Variants in RSF1 observed in about 807,000 individuals in gnomAD.
RSF1 encodes the protein remodeling and spacing factor 1.
Under a neutral mutation model 145.2 loss-of-function variants are expected in RSF1, and 13 were observed. The ratio of observed to expected loss-of-function variants is 0.09; its 90% CI spans 0.06 to 0.14. The LOEUF (loss-of-function observed/expected upper bound fraction) is 0.14, where lower values mean the gene tolerates loss of function less well. Ranked by LOEUF, RSF1 falls within the 10% of genes least tolerant of loss-of-function variation. The pLI is 1.00. For synonymous variants in RSF1, 577 were observed against 592.6 expected (o/e 0.97, Z 0.38); for missense variants, 1,517 against 1,718.2 (o/e 0.88, Z 2.07).
chr11:77,679,807 G>C (rs1363238447), intron 11 of RSF1, among the ~76,000 whole-genome samples: 1 of 152,028 alleles, frequency 6.6e-6, no homozygotes, highest in Non-Finnish European at 1.5e-5. Context: ...ATTTCTTGAA[G>C]CTGTTTACCT....
At chr11:77,796,552 G>A (rs566130878) in intron 1 of RSF1, among the ~76,000 whole-genome samples, 133 of 152,148 alleles carry the variant, frequency 8.7e-4, no homozygotes, top group African/African-American at 2.7e-3. Context: ...AGCCAGTATC[G>A]TACTGAACAG....
chr11:77,857,699 G>GT, the RSF1 span, among the ~76,000 whole-genome samples: 3,415 of 137,614 alleles, frequency 0.025, 50 homozygotes, highest in African/African-American at 0.047. Flanking sequence ...CAACTAAGTT[G>GT]TTTTTTTTTT....
rs1381110781 is a variant in RSF1, at chr11:77,666,566, G to A, written c.*351C>T. On this transcript the variant is annotated 3_prime_UTR_variant, in exon 16 of 16. Coordinates refer to ENST00000308488, the MANE Select transcript of RSF1 (RefSeq NM_016578.4). Reference sequence around the variant, plus strand: ...TTCTGTTTTGGGCCCTCACAGATTCGGAATGCATTTTCATCCACCCTTTTT... The same window carrying A: ...TTCTGTTTTGGGCCCTCACAGATTCAGAATGCATTTTCATCCACCCTTTTT... The A allele has an allele frequency of 1.3e-5, 2 of 159,516 alleles. No homozygotes were observed. The highest frequency in any genetic ancestry group is 4.8e-5 in the African/African-American group (2 of 41,692). 9.9% of individuals were successfully genotyped at this position (159,516 alleles called of 1,614,324 possible).
chr11:77,813,970 G>T (rs1431623390), intron 1 of RSF1, among the ~76,000 whole-genome samples: 1 of 152,076 alleles, frequency 6.6e-6, no homozygotes, highest in Non-Finnish European at 1.5e-5. Flanking sequence ...AGAGGTGGAG[G>T]TGGCTGGATC....
intron 5 of RSF1, among the ~76,000 whole-genome samples, chr11:77,719,014 G>A (rs373186912): frequency 6.6e-6 from 1 of 151,992 alleles, no homozygotes; most frequent in Admixed American, 6.6e-5. Flanking sequence ...GTTGGGAGAT[G>A]GGGGGGAGGA....
Position 77,676,944 on chromosome 11 carries a change from G to A in RSF1, c.3189C>T (p.Ile1063=), listed in dbSNP as rs747449648. ...TTCTTTCTTCATCCAAAATAGTAGA[G>A]ATGTCTTTCCCACGATGACCTGTGA... ...STITGHRGKD[I]STILDEERKE... The change falls in exon 13 of 16, where the codon ATC becomes ATT. Residue 1063 remains isoleucine, a synonymous_variant. Transcript: ENST00000308488. 1 of 1,581,018 alleles carries A rather than the reference G, an allele frequency of 6.3e-7. No individual in the cohort carries two copies. Among genetic ancestry groups the A allele is most frequent in the East Asian group, 2.4e-5 (1 of 42,234 alleles).
upstream of RSF1, among the ~76,000 whole-genome samples, chr11:77,824,650 A>G (rs1315556998): frequency 6.6e-6 from 1 of 152,212 alleles, no homozygotes; most frequent in Non-Finnish European, 1.5e-5. Flanking sequence ...AATTCCATCA[A>G]TATGAAGGTC....
chr11:77,852,214 G>A, the RSF1 span, among the ~76,000 whole-genome samples: 1 of 29,508 alleles, frequency 3.4e-5, no homozygotes, highest in Admixed American at 5.1e-4. Flanking sequence ...AACAGAATGA[G>A]ACACTGTCTC....
chr11:77,869,508 G>A, the RSF1 span, among the ~76,000 whole-genome samples: 192 of 138,214 alleles, frequency 1.4e-3, no homozygotes, highest in African/African-American at 5.0e-3. Flanking sequence ...AGACACGGTC[G>A]GTCTCCCTAT....
Position 77,764,623 on chromosome 11 carries a change from T to C in RSF1, c.254A>G (p.Asp85Gly), listed in dbSNP as rs768183767. The change falls in exon 2 of 16, where the codon GAC (aspartate) becomes GGC (glycine). Residue 85 changes from aspartate to glycine, a missense_variant. Physicochemically the swap from Asp to Gly is moderately conservative, Grantham distance 94 (BLOSUM62 -1). Coordinates refer to ENST00000308488, the MANE Select transcript of RSF1 (RefSeq NM_016578.4). Reference sequence around the variant, plus strand: ...CTTGATCAAATATTTTTCCCATCTGTCTGCAGTAACAGATTTGCCAATTTT... The same window carrying C: ...CTTGATCAAATATTTTTCCCATCTGCCTGCAGTAACAGATTTGCCAATTTT... ...MRKIGKSVTA[D>G]RWEKYLIKIC... The C allele has an allele frequency of 6.2e-7, 1 of 1,604,854 alleles. No homozygotes were observed.
At chr11:77,702,589 C>T in intron 5 of RSF1, 94 bp from the exon 6 acceptor site, 2 of 787,068 alleles carry the variant, frequency 2.5e-6, no homozygotes. Context: ...TTTAAAGTTT[C>T]TATTTTAAAA....
chr11:77,750,655 T>C (rs1378506019), intron 2 of RSF1, among the ~76,000 whole-genome samples: 1 of 152,204 alleles, frequency 6.6e-6, no homozygotes, highest in Non-Finnish European at 1.5e-5. Flanking sequence ...CAGATCCTAA[T>C]TACATTGGTA....
intron 3 of RSF1, among the ~76,000 whole-genome samples, chr11:77,741,464 C>T (rs1006586675): frequency 5.3e-5 from 8 of 151,934 alleles, no homozygotes; most frequent in South Asian, 2.1e-4. Context: ...GTTGAGGATG[C>T]GGTGAGCTGT....
In RSF1 at chr11:77,692,401, C is replaced by T. The variant is rs868124064; in HGVS notation, c.2820+1106G>A. 5.8e-5 allele frequency among the ~76,000 whole-genome samples: 7 copies of T among 121,240 alleles called. 2 individuals carry two copies. The highest frequency in any genetic ancestry group is 2.6e-4 in the Admixed American group (3 of 11,670). The allele number at this position is 121,240 out of a possible 152,430, so 79.5% of individuals were successfully genotyped here. On this transcript the variant is annotated intron_variant, in intron 8 of 15. Transcript: ENST00000308488. ...CTGGGACTACAGGCGCCCGCCACTA[C>T]GCCCGGCTAATTTTTTGTATTTTTA...
In RSF1 at chr11:77,700,706, TAAGAC is replaced by T. The variant is rs1274992888; in HGVS notation, c.2508+10_2508+14del. On this transcript the variant is annotated intron_variant, in intron 6 of 15. Coordinates refer to ENST00000308488, the MANE Select transcript of RSF1 (RefSeq NM_016578.4). ...AGAGACAAATATTTTTAATTAAAGT[TAAGAC>T]AAGTTTTACCTTGCTTACTTTAGAA... 5.9e-6 allele frequency: 9 copies of T among 1,529,748 alleles called. No homozygotes were observed. The East Asian group carries it at 1.1e-4, about 19-fold the overall frequency. The allele number at this position is 1,529,748 out of a possible 1,614,324, so 94.8% of individuals were successfully genotyped here. A position where few individuals can be genotyped will look rare whatever the true frequency, so the allele number is the denominator to read the frequency against.
rs183812704 is a variant in RSF1 at position 77,813,798 on chromosome 11, G to A, written c.187+6730C>T. ...TACCACCGCGACTTCCTCAAAGAGC[G>A]GCCATTTATAATTTGTAAAAGGACA... On this transcript the variant is annotated intron_variant, in intron 1 of 15. Transcript: ENST00000308488. 5.9e-5 allele frequency: 15 copies of A among 254,102 alleles called. No individual in the cohort carries two copies. The East Asian group carries it at 9.2e-4, about 16-fold the overall frequency. The allele number at this position is 254,102 out of a possible 1,614,324, so 15.7% of individuals were successfully genotyped here. A position where few individuals can be genotyped will look rare whatever the true frequency, so the allele number is the denominator to read the frequency against.
chr11:77,672,901 T>G (rs1033990104), intron 14 of RSF1, among the ~76,000 whole-genome samples: 6 of 152,210 alleles, frequency 3.9e-5, no homozygotes, highest in African/African-American at 1.4e-4. Flanking sequence ...CAGGCTGGTC[T>G]TGAATTCCTG....
In RSF1 at chr11:77,701,496, C is replaced by T. The variant is rs748850046; in HGVS notation, c.1733G>A (p.Arg578His). 23 of 1,613,862 alleles carry T rather than the reference C, an allele frequency of 1.4e-5. No homozygotes were observed. Among genetic ancestry groups the T allele is most frequent in the South Asian group, 1.3e-4 (12 of 91,062 alleles). ...TTCAAGACATTCTAGGATTGGTGGG[C>T]GCTTATCCTTCTTAGTTTTGGGAGA... ...EKSPKTKKDKRPPILECLEKL... is the reference protein window; with the variant it reads ...EKSPKTKKDKHPPILECLEKL... Residue 578 changes from arginine (R) to histidine (H), a missense_variant, in exon 6 of 16, where the codon CGC becomes CAC. Physicochemically the swap from Arg to His is conservative, Grantham distance 29. Coordinates refer to ENST00000308488, the MANE Select transcript of RSF1 (RefSeq NM_016578.4).
Position 77,670,997 on chromosome 11 carries a change from T to C in RSF1, c.3751+1045A>G, listed in dbSNP as rs1959508721. On this transcript the variant is annotated intron_variant, in intron 15 of 15. Coordinates refer to ENST00000308488, the MANE Select transcript of RSF1 (RefSeq NM_016578.4). ...TGGCACATGCCTAAAATCCTAGCTA[T>C]TGGGAGGCTGAGCCAGGAGAATCGT... 2.1e-5 allele frequency among the ~76,000 whole-genome samples: 3 copies of C among 145,716 alleles called. No individual in the cohort carries two copies. In the Admixed American group the frequency reaches 2.1e-4, roughly 10 times the overall value.
Sources: gnomAD v4.1 joint callset for allele counts (sites outside exome capture counted in the v4.1 genomes callset) on GRCh38, gnomAD v4.1.1 for gene constraint, MANE v1.5 for transcripts, NCBI Gene and HGNC (gene_info 2026-07-23, HGNC 2026-07-21) for gene names.